Variants in DNAH3 observed in about 807,000 individuals in gnomAD.
The protein encoded by DNAH3 is axonemal beta dynein heavy chain 3.
In DNAH3, 332 loss-of-function variants were observed where a neutral mutation model predicts 432.5. The ratio of observed to expected loss-of-function variants is 0.77; its 90% CI spans 0.70 to 0.84. The LOEUF (loss-of-function observed/expected upper bound fraction) is 0.84. Among genes scored for constraint, DNAH3 ranks in the 40% least tolerant of loss-of-function variants. The pLI is 0.00. For missense variants in DNAH3, 4,861 were observed against 5,114.0 expected (o/e 0.95, Z 1.51); for synonymous variants, 1,956 against 1,900.2 (o/e 1.03, Z -0.76).
At chr16:20,945,725 T>C (rs1042861827) in intron 57 of DNAH3, among the ~76,000 whole-genome samples, 1 of 152,144 alleles carries the variant, frequency 6.6e-6, no homozygotes, top group Non-Finnish European at 1.5e-5. Context: ...CTCTTAACCT[T>C]GTGATCCGAC....
At position 21,010,880 on chromosome 16, in the gene DNAH3, C is replaced by G. The variant is rs902112885; in HGVS notation, c.6023-7673G>C. Among the ~76,000 whole-genome samples, 10 of 146,056 alleles carry G rather than the reference C, an allele frequency of 6.8e-5. No individual in the cohort carries two copies. In the East Asian group the frequency reaches 2.0e-3, roughly 29 times the overall value. ...ACAGGCATGAACCACCACGCCCGGCCAAAACCTGTTTTTTTTTTTTTGTTT... is the reference window on the plus strand; with the variant it reads ...ACAGGCATGAACCACCACGCCCGGCGAAAACCTGTTTTTTTTTTTTTGTTT... On this transcript the variant is annotated intron_variant, in intron 41 of 61. Coordinates refer to ENST00000261383, the Ensembl canonical transcript of DNAH3.
chr16:21,149,136 G>A (rs2092822172), intron 1 of DNAH3, among the ~76,000 whole-genome samples: 1 of 151,810 alleles, frequency 6.6e-6, no homozygotes, highest in South Asian at 2.1e-4. Context: ...GACTGAGGCA[G>A]GAGAATCGCT....
intron 56 of DNAH3, among the ~76,000 whole-genome samples, chr16:20,949,557 C>T (rs1173506749): frequency 2.0e-5 from 3 of 151,968 alleles, no homozygotes; most frequent in African/African-American, 2.4e-5. Context: ...CGGTAAAATC[C>T]GCAGTTTCAG....
chr16:21,090,310 AT>A (rs2152783338), intron 18 of DNAH3, among the ~76,000 whole-genome samples: 1 of 151,626 alleles, frequency 6.6e-6, no homozygotes, highest in Non-Finnish European at 1.5e-5. Context: ...AGAAGAAAAC[AT>A]TTCCTAACTT....
At chr16:21,137,086 G>T (rs1469385043) in intron 5 of DNAH3, among the ~76,000 whole-genome samples, 3 of 151,776 alleles carry the variant, frequency 2.0e-5, no homozygotes, top group South Asian at 2.1e-4. Flanking sequence ...GTGAGCCAAG[G>T]TCATGCCACT....
chr16:20,940,507 G>A (rs1288126869), intron 59 of DNAH3, among the ~76,000 whole-genome samples: 5 of 151,716 alleles, frequency 3.3e-5, no homozygotes, highest in Non-Finnish European at 4.4e-5. Flanking sequence ...GCTCACTGCC[G>A]CCTCGAGCTC....
Position 21,037,789 on chromosome 16 carries a change from A to C in DNAH3, c.4922T>G (p.Phe1641Cys), listed in dbSNP as rs781407784. 5 of 1,614,136 alleles carry C rather than the reference A, an allele frequency of 3.1e-6. No homozygotes were observed. In the Admixed American group the frequency reaches 8.3e-5, roughly 27 times the overall value. The stretch of plus-strand genomic sequence containing the variant: ...AAACAGAGGGACATCTTGCGCTAAG[A>C]ACTTGGCCAGATTGACATCAAGCAA... Residue 1641 changes from phenylalanine (F) to cysteine (C), a missense_variant, in exon 34 of 62, where the codon TTC (phenylalanine) becomes TGC (cysteine). Coordinates refer to ENST00000261383, the Ensembl canonical transcript of DNAH3.
At chr16:20,982,201 T>C (rs2085942150) in intron 49 of DNAH3, among the ~76,000 whole-genome samples, 1 of 151,972 alleles carries the variant, frequency 6.6e-6, no homozygotes. Context: ...CTGGCCAACA[T>C]GGCGAAACCC....
chr16:20,948,502 G>C (rs200959825), exon 57 of DNAH3: 1 of 1,613,756 alleles, frequency 6.2e-7, no homozygotes, highest in East Asian at 2.2e-5. Context: ...GCCATGAGGA[G>C]GGATGTAGTA....
At position 21,111,997 on chromosome 16, in the gene DNAH3, A is replaced by G. The variant is rs1316395591; in HGVS notation, c.1916T>C (p.Val639Ala). The G allele has an allele frequency of 6.2e-7, 1 of 1,613,300 alleles. No homozygotes were observed. Among genetic ancestry groups the G allele is most frequent in the Middle Eastern group, 1.7e-4 (1 of 6,054 alleles). Residue 639 changes from valine (V) to alanine (A), a missense_variant, in exon 13 of 62, where the codon GTG becomes GCG. By Grantham distance (64) the Val-to-Ala change is moderately conservative (BLOSUM62 0). Transcript: ENST00000261383. ...ATCTCAAGTGGCATTTCCTACCGTC[A>G]CAAAATCATCAATGTCATGATTTTC...
At chr16:21,130,719 G>A (rs2092540969) in intron 7 of DNAH3, among the ~76,000 whole-genome samples, 1 of 152,086 alleles carries the variant, frequency 6.6e-6, no homozygotes, top group Non-Finnish European at 1.5e-5. Context: ...AAAGCAAGTG[G>A]TAAAAAGCCT....
chr16:20,975,188 C>T (rs2152646936), intron 51 of DNAH3, 45 bp downstream of exon 51: 1 of 1,603,744 alleles, frequency 6.2e-7, no homozygotes, highest in Non-Finnish European at 8.5e-7. Flanking sequence ...TAACCACGCT[C>T]ATTCGGCAGC....
chr16:21,039,818 C>G, intron 33 of DNAH3, 34 bp downstream of exon 33: 1 of 1,497,804 alleles, frequency 6.7e-7, no homozygotes, highest in South Asian at 1.1e-5. Context: ...ATTTAAAGTC[C>G]TTTAGAATGC....
intron 7 of DNAH3, 151 bp downstream of exon 8, chr16:21,134,108 T>C: frequency 1.4e-6 from 1 of 724,264 alleles, no homozygotes; most frequent in Non-Finnish European, 2.2e-6. Context: ...AGGTGTCACT[T>C]ATAATTCACA....
chr16:21,073,943 T>A (rs761680081), intron 21 of DNAH3, among the ~76,000 whole-genome samples: 3 of 152,224 alleles, frequency 2.0e-5, no homozygotes, highest in Non-Finnish European at 2.9e-5. Context: ...TTCATTTCCA[T>A]ACAGCTGTCC....
intron 26 of DNAH3, among the ~76,000 whole-genome samples, chr16:21,059,971 A>G (rs1317494151): frequency 6.6e-6 from 1 of 151,940 alleles, no homozygotes; most frequent in East Asian, 1.9e-4. Context: ...ATTGGAAGGG[A>G]CTCTAAATAG....
intron 29 of DNAH3, among the ~76,000 whole-genome samples, chr16:21,050,292 C>T (rs574838522): frequency 1.3e-5 from 2 of 152,232 alleles, no homozygotes; most frequent in African/African-American, 2.4e-5. Flanking sequence ...GAGTGGCACC[C>T]ATGAATATTT....
chr16:20,969,571 G>A (rs1424972906), intron 52 of DNAH3, among the ~76,000 whole-genome samples: 2 of 152,210 alleles, frequency 1.3e-5, no homozygotes, highest in African/African-American at 2.4e-5. Flanking sequence ...TCCACCTACA[G>A]ATACCTGCAT....
chr16:21,041,940 TG>T, intron 32 of DNAH3, 86 bp downstream of exon 32: 1 of 1,513,998 alleles, frequency 6.6e-7, no homozygotes, highest in Non-Finnish European at 9.1e-7. Context: ...CCCAAAGTGC[TG>T]GGATTATAGG....
Sources: gnomAD v4.1 joint callset for allele counts (sites outside exome capture counted in the v4.1 genomes callset) on GRCh38, gnomAD v4.1.1 for gene constraint, MANE v1.5 for transcripts, NCBI Gene and HGNC (gene_info 2026-07-23, HGNC 2026-07-21) for gene names.